Variants in CENPP observed in about 807,000 individuals in gnomAD.
CENPP encodes the protein centromere protein P.
In CENPP, 24 loss-of-function variants were observed where a neutral mutation model predicts 35.6. The ratio of observed to expected loss-of-function variants is 0.67; its 90% CI spans 0.49 to 0.95. CENPP has a LOEUF of 0.95. Among genes scored for constraint, CENPP ranks in the 40% least tolerant of loss-of-function variants. The pLI is 0.00. For missense variants in CENPP, 332 were observed against 345.3 expected (o/e 0.96, Z 0.31); for synonymous variants, 120 against 125.5 (o/e 0.96, Z 0.29).
At chr9:92,441,092 T>A (rs1044377290) in intron 5 of CENPP, among the ~76,000 whole-genome samples, 1 of 152,230 alleles carries the variant, frequency 6.6e-6, no homozygotes, top group Non-Finnish European at 1.5e-5. Context: ...TATCTGTATG[T>A]TTAAGAAAAC....
At chr9:92,402,039 C>T (rs1391734320) in intron 5 of CENPP, among the ~76,000 whole-genome samples, 1 of 152,052 alleles carries the variant, frequency 6.6e-6, no homozygotes, top group African/African-American at 2.4e-5. Context: ...ATCTTAGACC[C>T]TGCATTTATA....
At position 92,369,551 on chromosome 9, in the gene CENPP, A is replaced by T. The variant is rs182148182; in HGVS notation, c.468-10212A>T. On this transcript the variant is annotated intron_variant, in intron 4 of 7. Coordinates refer to ENST00000375587, the MANE Select transcript of CENPP (RefSeq NM_001012267.3). Reference sequence around the variant, plus strand: ...TAGAGATTGGCTAGGATTGCACTGAATTGGTAGATTGCTTTAGACAATATG... The same window carrying T: ...TAGAGATTGGCTAGGATTGCACTGATTTGGTAGATTGCTTTAGACAATATG... Among the ~76,000 whole-genome samples, 8 of 152,322 alleles carry T rather than the reference A, an allele frequency of 5.3e-5. 1 individual carries two copies. In the East Asian group the frequency reaches 1.5e-3, roughly 29 times the overall value.
chr9:92,562,814 G>C (rs1182714516), intron 5 of CENPP, among the ~76,000 whole-genome samples: 1 of 152,244 alleles, frequency 6.6e-6, no homozygotes, highest in Middle Eastern at 3.4e-3. Flanking sequence ...AGTATTTAAT[G>C]AAAAAGACGA....
chr9:92,589,327 C>T (rs544142369), intron 5 of CENPP, among the ~76,000 whole-genome samples: 1 of 149,748 alleles, frequency 6.7e-6, no homozygotes, highest in African/African-American at 2.5e-5. Context: ...GCCTGGGAGA[C>T]AGCAAGACCC....
intron 5 of CENPP, among the ~76,000 whole-genome samples, chr9:92,380,750 C>T (rs940994391): frequency 2.0e-5 from 3 of 152,124 alleles, no homozygotes; most frequent in Non-Finnish European, 4.4e-5. Flanking sequence ...TTCTGCTTCA[C>T]AAGTGTTATA....
intron 5 of CENPP, among the ~76,000 whole-genome samples, chr9:92,451,287 A>G (rs1388174198): frequency 1.3e-5 from 2 of 149,456 alleles, no homozygotes; most frequent in Non-Finnish European, 3.0e-5. Flanking sequence ...GGTGTAAGGA[A>G]GGGATCCAGT....
chr9:92,384,752 T>C (rs1333593192), intron 5 of CENPP: 1 of 152,066 alleles, frequency 6.6e-6, no homozygotes, highest in East Asian at 1.9e-4. Context: ...TTGAACTAAT[T>C]TATTGATGAG....
intron 3 of CENPP, among the ~76,000 whole-genome samples, chr9:92,342,333 T>A (rs899216215): frequency 6.6e-6 from 1 of 152,272 alleles, no homozygotes; most frequent in Admixed American, 6.5e-5. Flanking sequence ...TAGCAGTTTC[T>A]GTCCTATATG....
chr9:92,601,448 A>G (rs1483333401), intron 5 of CENPP, among the ~76,000 whole-genome samples: 3 of 152,114 alleles, frequency 2.0e-5, no homozygotes, highest in Non-Finnish European at 4.4e-5. Context: ...ACTTCAAATG[A>G]TTGTGATGAT....
At chr9:92,343,101 C>A (rs1841173340) in intron 3 of CENPP, among the ~76,000 whole-genome samples, 1 of 152,102 alleles carries the variant, frequency 6.6e-6, no homozygotes, top group Non-Finnish European at 1.5e-5. Flanking sequence ...GTAAAACCCT[C>A]AATTTACAGA....
chr9:92,345,723 G>C lies in CENPP; in HGVS notation c.403G>C (p.Val135Leu), dbSNP rs1406259086. The C allele has an allele frequency of 6.3e-7, 1 of 1,593,220 alleles. No individual in the cohort carries two copies. The highest frequency in any genetic ancestry group is 1.7e-5 in the Admixed American group (1 of 59,822). ...GAATAAGGAGAGATTATCTTCTGCT[G>C]TTACTGACCTCAACATAATAATGGA... ...IQNKERLSSAVTDLNIIMEPT... is the reference protein window; with the variant it reads ...IQNKERLSSALTDLNIIMEPT... Residue 135 changes from valine (V) to leucine (L), a missense_variant, in exon 4 of 8, where the codon GTT (valine) becomes CTT (leucine). Val to Leu is a conservative substitution (Grantham distance 32). Coordinates refer to ENST00000375587, the MANE Select transcript of CENPP (RefSeq NM_001012267.3).
intron 5 of CENPP, among the ~76,000 whole-genome samples, chr9:92,431,165 G>T (rs1844099355): frequency 6.6e-6 from 1 of 152,152 alleles, no homozygotes; most frequent in African/African-American, 2.4e-5. Context: ...TACAGTGCTT[G>T]TTAAGTATGA....
At chr9:92,455,896 C>A (rs954766903) in intron 5 of CENPP, among the ~76,000 whole-genome samples, 7 of 152,108 alleles carry the variant, frequency 4.6e-5, no homozygotes, top group African/African-American at 1.7e-4. Flanking sequence ...ATGGTGAAAC[C>A]CCGTCTCTAC....
intron 5 of CENPP, among the ~76,000 whole-genome samples, chr9:92,381,739 A>T (rs1842251351): frequency 6.6e-6 from 1 of 152,170 alleles, no homozygotes; most frequent in Non-Finnish European, 1.5e-5. Context: ...AAGTGTAATG[A>T]TATACCTGGA....
intron 5 of CENPP, among the ~76,000 whole-genome samples, chr9:92,386,462 G>T (rs1284344921): frequency 2.6e-5 from 4 of 151,716 alleles, no homozygotes; most frequent in African/African-American, 9.7e-5. Context: ...TCTTGTTTGG[G>T]TTTTTTTTCT....
intron 5 of CENPP, among the ~76,000 whole-genome samples, chr9:92,432,582 C>T (rs1306570011): frequency 6.6e-6 from 1 of 152,124 alleles, no homozygotes; most frequent in African/African-American, 2.4e-5. Context: ...GGTATAAAAG[C>T]CAGCACACAA....
At chr9:92,472,393 C>T (rs1406435810) in intron 5 of CENPP, among the ~76,000 whole-genome samples, 2 of 150,242 alleles carry the variant, frequency 1.3e-5, no homozygotes, top group Non-Finnish European at 3.0e-5. Flanking sequence ...GGCGCGGTGG[C>T]TCACGCCTAT....
At chr9:92,326,963 T>A (rs1840551821) in intron 1 of CENPP, among the ~76,000 whole-genome samples, 2 of 152,162 alleles carry the variant, frequency 1.3e-5, no homozygotes, top group Admixed American at 1.3e-4. Context: ...CGTGCGGTCA[T>A]GAAAGTAGAG....
At chr9:92,602,512 G>A (rs1227742323) in intron 5 of CENPP, among the ~76,000 whole-genome samples, 1 of 152,222 alleles carries the variant, frequency 6.6e-6, no homozygotes, top group African/African-American at 2.4e-5. Context: ...GTTAGGCCCA[G>A]ATTCAGCAAT....
Sources: allele counts gnomAD v4.1 joint callset (sites outside exome capture counted in the v4.1 genomes callset), GRCh38; gene constraint gnomAD v4.1.1; transcripts MANE v1.5; gene names NCBI Gene and HGNC (gene_info 2026-07-23, HGNC 2026-07-21).